EXOC2: variants seen among roughly 807,000 people sequenced by gnomAD.
EXOC2 encodes exocyst complex component 2.
In EXOC2, 70 loss-of-function variants were observed where a neutral mutation model predicts 131.8. That is an observed-to-expected ratio of 0.53 (90% CI 0.44 to 0.65). EXOC2 has a LOEUF of 0.65. Ranked by LOEUF, EXOC2 falls within the 30% of genes least tolerant of loss-of-function variation. The pLI is 0.00. For missense variants in EXOC2, 923 were observed against 1,108.6 expected (o/e 0.83, Z 2.38); for synonymous variants, 411 against 398.4 (o/e 1.03, Z -0.38).
At chr6:683,212 T>C (rs1764491768) in intron 1 of EXOC2, among the ~76,000 whole-genome samples, 1 of 152,142 alleles carries the variant, frequency 6.6e-6, no homozygotes, top group South Asian at 2.1e-4. Context: ...ACCAACTCCA[T>C]TCCAGCAAGA....
intron 1 of EXOC2, among the ~76,000 whole-genome samples, chr6:648,716 CTTTT>C (rs60202015): frequency 2.8e-4 from 25 of 88,524 alleles, no homozygotes; most frequent in African/African-American, 3.1e-4. Context: ...TTTAAAAACT[CTTTT>C]TTTTTTTTTT....
intron 1 of EXOC2, among the ~76,000 whole-genome samples, chr6:687,128 G>C (rs1318242557): frequency 7.0e-6 from 1 of 142,816 alleles, no homozygotes; most frequent in Admixed American, 7.0e-5. Context: ...CAGAAAGACA[G>C]ATCACCTGAA....
intron 23 of EXOC2, among the ~76,000 whole-genome samples, chr6:523,301 C>T (rs1002223818): frequency 3.3e-5 from 5 of 152,216 alleles, no homozygotes; most frequent in Admixed American, 1.3e-4. Flanking sequence ...GGAGCACACT[C>T]GTGCTTACCA....
At position 687,168 on chromosome 6, in the gene EXOC2, A is replaced by ATTTTTTTTTT. The variant is rs1292769233; in HGVS notation, c.-44+5850_-44+5851insAAAAAAAAAA. ...ATTGAAGAAGTCATTATCAAATAAT[A>ATTTTTTTTTT]TTCTTTTTTTTTTTTTTTTTTTTTT... On this transcript the variant is annotated intron_variant, in intron 1 of 27. Coordinates refer to ENST00000230449, the MANE Select transcript of EXOC2 (RefSeq NM_018303.6). Among the ~76,000 whole-genome samples, 86 of 40,642 alleles carry ATTTTTTTTTT rather than the reference A, an allele frequency of 2.1e-3. 1 individual carries two copies. The highest frequency in any genetic ancestry group is 0.012 in the Middle Eastern group (1 of 86). 26.7% of individuals were successfully genotyped at this position (40,642 alleles called of 152,430 possible).
intron 25 of EXOC2, 130 bp from the exon 26 acceptor site, chr6:491,316 G>T (rs548820356): frequency 1.2e-6 from 1 of 821,394 alleles, no homozygotes; most frequent in Non-Finnish European, 2.0e-6. Context: ...CATGGTGACC[G>T]CCAGTCATGA....
intron 23 of EXOC2, among the ~76,000 whole-genome samples, chr6:518,486 A>G (rs1450526537): frequency 2.0e-5 from 3 of 152,368 alleles, no homozygotes; most frequent in African/African-American, 7.2e-5. Context: ...TTAAAACATA[A>G]TAAAATAAAT....
At chr6:652,221 T>C (rs1489571702) in intron 1 of EXOC2, among the ~76,000 whole-genome samples, 1 of 152,192 alleles carries the variant, frequency 6.6e-6, no homozygotes, top group East Asian at 1.9e-4. Context: ...ACTTCAGAAA[T>C]ACTTTTGAAA....
chr6:532,572 G>C lies in EXOC2; in HGVS notation c.2277C>G (p.Leu759=). 6.2e-7 allele frequency: 1 copy of C among 1,608,486 alleles called. No homozygotes were observed. The highest frequency in any genetic ancestry group is 8.5e-7 in the Non-Finnish European group (1 of 1,178,182). The change falls in exon 23 of 28, where the codon CTC becomes CTG. Residue 759 remains leucine, a synonymous_variant. Transcript: ENST00000230449. ...CTTTCAACTCGATGTAATTTTCAAA[G>C]AGTCTTTGATCTAGTTCTTTCAATG... The part of the protein sequence containing the change: ...MASLKELDQR[L]FENYIELKAD...
intron 23 of EXOC2, among the ~76,000 whole-genome samples, chr6:512,305 G>A (rs1764896870): frequency 6.6e-6 from 1 of 152,222 alleles, no homozygotes; most frequent in African/African-American, 2.4e-5. Flanking sequence ...CCCTGACACA[G>A]CTAAACCAGC....
intron 1 of EXOC2, among the ~76,000 whole-genome samples, chr6:668,914 T>C (rs1490768203): frequency 6.6e-6 from 1 of 152,240 alleles, no homozygotes; most frequent in Non-Finnish European, 1.5e-5. Flanking sequence ...TCTGAATATT[T>C]TCCATCTGTG....
At chr6:502,618 A>C (rs1764288276) in intron 23 of EXOC2, among the ~76,000 whole-genome samples, 1 of 152,154 alleles carries the variant, frequency 6.6e-6, no homozygotes, top group Non-Finnish European at 1.5e-5. Flanking sequence ...GAATGGGAAG[A>C]ATAAAGGCAC....
intron 22 of EXOC2, among the ~76,000 whole-genome samples, chr6:540,213 C>T (rs1440383852): frequency 6.6e-6 from 1 of 152,144 alleles, no homozygotes; most frequent in African/African-American, 2.4e-5. Flanking sequence ...CCTCAGCCTC[C>T]CAGAGTGCAG....
intron 17 of EXOC2, among the ~76,000 whole-genome samples, chr6:562,444 C>T (rs1406062637): frequency 1.3e-5 from 2 of 152,154 alleles, no homozygotes; most frequent in African/African-American, 4.8e-5. Flanking sequence ...GGCTTTGGAG[C>T]CAGCAACGTC....
At position 555,260 on chromosome 6, in the gene EXOC2, C is replaced by A. The variant is rs569351826; in HGVS notation, c.2021G>T (p.Ser674Ile). 7.2e-6 allele frequency: 11 copies of A among 1,529,454 alleles called. No homozygotes were observed. The Middle Eastern group carries it at 7.0e-4, about 97-fold the overall frequency. 94.7% of individuals were successfully genotyped at this position (1,529,454 alleles called of 1,614,324 possible). The change falls in exon 20 of 28, where the codon AGC becomes ATC. Residue 674 changes from serine to isoleucine, a missense_variant. By Grantham distance (142) the Ser-to-Ile change is moderately radical. Transcript: ENST00000230449. ...ATCTATATCTGCATCAGGCTTGGTG[C>A]TCAACTGTTCCAGACAGTATATAAA... is the stretch of plus-strand genomic sequence containing the variant. ...QVFIYCLEQLSTKPDADIDTT... is the reference protein window; with the variant it reads ...QVFIYCLEQLITKPDADIDTT...
rs1759790621 is a variant in EXOC2, at chr6:595,928, A to AATCCCC, written c.1073+2087_1073+2092dup. Reference sequence around the variant, plus strand: ...TTTCTAGGATTCTACAAACCAGGAAAATCCCCTATATACATTCTTTCTTAT... The same window carrying AATCCCC: ...TTTCTAGGATTCTACAAACCAGGAAAATCCCCATCCCCTATATACATTCTTTCTTAT... On this transcript the variant is annotated intron_variant, in intron 10 of 27. Coordinates refer to ENST00000230449, the MANE Select transcript of EXOC2 (RefSeq NM_018303.6). 2.6e-5 allele frequency among the ~76,000 whole-genome samples: 4 copies of AATCCCC among 152,230 alleles called. No individual in the cohort carries two copies. In the South Asian group the frequency reaches 6.2e-4, roughly 24 times the overall value.
chr6:550,598 T>C (rs1757093027), intron 21 of EXOC2, among the ~76,000 whole-genome samples: 1 of 152,226 alleles, frequency 6.6e-6, no homozygotes, highest in Non-Finnish European at 1.5e-5. Flanking sequence ...TTGTATTATG[T>C]ATGATACTCC....
intron 13 of EXOC2, among the ~76,000 whole-genome samples, chr6:571,405 C>CGT (rs753869992): frequency 3.3e-5 from 5 of 152,166 alleles, no homozygotes; most frequent in Non-Finnish European, 5.9e-5. Flanking sequence ...TTCACATAAA[C>CGT]AAGGCTGCAG....
chr6:603,087 T>A (rs770196028), intron 7 of EXOC2, among the ~76,000 whole-genome samples: 5 of 152,222 alleles, frequency 3.3e-5, no homozygotes, highest in Non-Finnish European at 7.3e-5. Context: ...TACTGACACT[T>A]GAGACAGATC....
At chr6:589,526 T>C (rs992574476) in intron 11 of EXOC2, among the ~76,000 whole-genome samples, 33 of 152,208 alleles carry the variant, frequency 2.2e-4, no homozygotes, top group African/African-American at 7.5e-4. Flanking sequence ...TATCATACAT[T>C]TTCATACAAT....
Sources: gnomAD v4.1 joint callset for allele counts (sites outside exome capture counted in the v4.1 genomes callset) on GRCh38, gnomAD v4.1.1 for gene constraint, MANE v1.5 for transcripts, NCBI Gene and HGNC (gene_info 2026-07-23, HGNC 2026-07-21) for gene names.